CPE: variants seen among roughly 807,000 people sequenced by gnomAD.
CPE encodes the protein carbocypeptidase E.
CPE carries 17 observed loss-of-function variants against 53.5 expected under a neutral mutation model. That is an observed-to-expected ratio of 0.32 (90% CI 0.22 to 0.48). The LOEUF is 0.48. CPE is among the 20% of genes least tolerant of loss of function. CPE has a pLI of 0.99. For synonymous variants in CPE, 226 were observed against 228.8 expected (o/e 0.99, Z 0.11); for missense variants, 524 against 614.7 (o/e 0.85, Z 1.56).
chr4:165,444,679 G>A lies in CPE; in HGVS notation c.308-19711G>A, dbSNP rs1003068172. Among the ~76,000 whole-genome samples, 7 of 152,184 alleles carry A rather than the reference G, an allele frequency of 4.6e-5. No individual in the cohort carries two copies. The East Asian group carries it at 1.4e-3, about 30-fold the overall frequency. On this transcript the variant is annotated intron_variant, in intron 1 of 8. Coordinates refer to ENST00000402744, the MANE Select transcript of CPE (RefSeq NM_001873.4). ...TGTCTCCAAAGTTCCTACCAGCTCA[G>A]CCATATTCTTCCTCCCTGCCCTCAA...
At chr4:165,415,630 A>C (rs1477526884) in intron 1 of CPE, among the ~76,000 whole-genome samples, 1 of 152,148 alleles carries the variant, frequency 6.6e-6, no homozygotes, top group African/African-American at 2.4e-5. Flanking sequence ...TATAATTTAA[A>C]TGATGTAGAA....
chr4:165,494,639 G>A (rs1414501748), intron 7 of CPE, among the ~76,000 whole-genome samples: 1 of 152,070 alleles, frequency 6.6e-6, no homozygotes, highest in Non-Finnish European at 1.5e-5. Flanking sequence ...GATTGGACTG[G>A]GTCCAAGACA....
chr4:165,464,483 A>G lies in CPE; in HGVS notation c.401A>G (p.Glu134Gly). The change falls in exon 2 of 9, where the codon GAA (glutamate) becomes GGA (glycine). Residue 134 changes from glutamate to glycine, a missense_variant. Transcript: ENST00000402744. The part of the protein sequence containing the change: ...LIFLAQYLCN[E>G]YQKGNETIVN... ...TTCTTGGCCCAGTACCTATGCAACGAATACCAGAAGGGGAACGAGACAATT... is the reference window on the plus strand; with the variant it reads ...TTCTTGGCCCAGTACCTATGCAACGGATACCAGAAGGGGAACGAGACAATT... 2 of 1,614,012 alleles carry G rather than the reference A, an allele frequency of 1.2e-6. No homozygotes were observed. The highest frequency in any genetic ancestry group is 1.7e-6 in the Non-Finnish European group (2 of 1,179,950).
intron 1 of CPE, among the ~76,000 whole-genome samples, chr4:165,441,047 C>T (rs1052883567): frequency 1.3e-5 from 2 of 152,156 alleles, no homozygotes; most frequent in African/African-American, 2.4e-5. Flanking sequence ...AAGTCGGAGA[C>T]GTGCAGGTGC....
At chr4:165,392,366 T>C (rs1730697142) in intron 1 of CPE, among the ~76,000 whole-genome samples, 1 of 146,498 alleles carries the variant, frequency 6.8e-6, no homozygotes, top group African/African-American at 2.5e-5. Flanking sequence ...ACATATATCA[T>C]ATATTTACAA....
chr4:165,411,679 C>T (rs891424421), intron 1 of CPE, among the ~76,000 whole-genome samples: 26 of 152,084 alleles, frequency 1.7e-4, no homozygotes, highest in Admixed American at 5.2e-4. Flanking sequence ...GACCTCAATA[C>T]CTGTGGAATG....
intron 1 of CPE, among the ~76,000 whole-genome samples, chr4:165,426,800 G>A (rs985787478): frequency 2.6e-5 from 4 of 152,212 alleles, no homozygotes; most frequent in African/African-American, 4.8e-5. Context: ...TGAGGTATCA[G>A]CCAGAGTTTT....
At chr4:165,401,856 T>A (rs532357326) in intron 1 of CPE, among the ~76,000 whole-genome samples, 1 of 152,158 alleles carries the variant, frequency 6.6e-6, no homozygotes, top group Non-Finnish European at 1.5e-5. Flanking sequence ...GAAAGTGGTG[T>A]TGTAATAAAA....
chr4:165,389,439 G>A (rs891173523), intron 1 of CPE, among the ~76,000 whole-genome samples: 11 of 152,000 alleles, frequency 7.2e-5, no homozygotes, highest in Non-Finnish European at 1.3e-4. Flanking sequence ...TCTCAAGAAT[G>A]TTTTTTTCAG....
intron 1 of CPE, among the ~76,000 whole-genome samples, chr4:165,434,836 G>A (rs371193673): frequency 7.9e-5 from 12 of 152,176 alleles, no homozygotes; most frequent in Admixed American, 3.3e-4. Flanking sequence ...TGGAGATGGG[G>A]CCTAATGGGA....
At chr4:165,420,725 T>G (rs1731197551) in intron 1 of CPE, among the ~76,000 whole-genome samples, 1 of 152,154 alleles carries the variant, frequency 6.6e-6, no homozygotes, top group African/African-American at 2.4e-5. Flanking sequence ...TTAATGGGAA[T>G]GGCATTTCTG....
chr4:165,383,760 C>T (rs17489060), intron 1 of CPE, among the ~76,000 whole-genome samples: 7,244 of 152,174 alleles, frequency 0.048, 258 homozygotes, highest in South Asian at 0.089. Context: ...ATTTGTATGG[C>T]GTCTTTTTAT....
At chr4:165,471,048 A>G (rs904546164) in intron 3 of CPE, among the ~76,000 whole-genome samples, 1 of 152,182 alleles carries the variant, frequency 6.6e-6, no homozygotes, top group Non-Finnish European at 1.5e-5. Flanking sequence ...CCTGAAGGCA[A>G]GAGGAGACGA....
chr4:165,493,413 T>A (rs1732643556), intron 7 of CPE, 143 bp downstream of exon 7: 1 of 609,220 alleles, frequency 1.6e-6, no homozygotes, highest in Non-Finnish European at 2.7e-6. Context: ...TCTGGTGAAG[T>A]TTCCTTTGTG....
intron 1 of CPE, among the ~76,000 whole-genome samples, chr4:165,423,310 T>A (rs1453860520): frequency 6.6e-6 from 1 of 152,170 alleles, no homozygotes; most frequent in Non-Finnish European, 1.5e-5. Context: ...CCTTTTAGCT[T>A]AGTGATTTTG....
chr4:165,435,039 A>G (rs1346265851), intron 1 of CPE, among the ~76,000 whole-genome samples: 1 of 152,126 alleles, frequency 6.6e-6, no homozygotes, highest in Non-Finnish European at 1.5e-5. Context: ...TTCTGCCATG[A>G]GTGGAAGCAG....
chr4:165,456,915 A>G (rs956620987), intron 1 of CPE, among the ~76,000 whole-genome samples: 2 of 151,620 alleles, frequency 1.3e-5, no homozygotes, highest in African/African-American at 4.9e-5. Flanking sequence ...TAATCTTTGT[A>G]TTTTTAGTAG....
intron 1 of CPE, among the ~76,000 whole-genome samples, chr4:165,444,886 A>T (rs1274524791): frequency 1.3e-5 from 2 of 152,204 alleles, no homozygotes; most frequent in African/African-American, 4.8e-5. Context: ...TTGTTTTGTA[A>T]TACTAATAAG....
intron 3 of CPE, among the ~76,000 whole-genome samples, chr4:165,477,540 G>A (rs1732325629): frequency 6.6e-6 from 1 of 152,078 alleles, no homozygotes; most frequent in African/African-American, 2.4e-5. Flanking sequence ...AAAATATATA[G>A]TAGGCAGTTC....
Sources: gnomAD v4.1 joint callset for allele counts (sites outside exome capture counted in the v4.1 genomes callset) on GRCh38, gnomAD v4.1.1 for gene constraint, MANE v1.5 for transcripts, NCBI Gene and HGNC (gene_info 2026-07-23, HGNC 2026-07-21) for gene names.